Variants in HCK observed in about 807,000 individuals in gnomAD.
The protein encoded by HCK is tyrosine-protein kinase HCK.
In HCK, 40 loss-of-function variants were observed where a neutral mutation model predicts 70.4. The ratio of observed to expected loss-of-function variants is 0.57; its 90% CI spans 0.44 to 0.74. The LOEUF (loss-of-function observed/expected upper bound fraction) is 0.74, where lower values mean the gene tolerates loss of function less well. Among genes scored for constraint, HCK ranks in the 30% least tolerant of loss-of-function variants. The pLI, the probability that HCK is intolerant of heterozygous loss-of-function variation, is 0.00. For synonymous variants in HCK, 245 were observed against 263.2 expected, an observed-to-expected ratio of 0.93 and a Z score of 0.67; for missense variants, 568 against 697.2, an observed-to-expected ratio of 0.81 and a Z score of 2.09.
chr20:32,071,785 G>C lies in HCK; in HGVS notation c.183+3G>C, dbSNP rs752486781. On this transcript the variant is annotated splice_donor_region_variant and intron_variant, in intron 2 of 12. Coordinates refer to ENST00000375852, the MANE Select transcript of HCK (RefSeq NM_002110.5). ...ATCCCACATCCACCATCAAGCCGGT[G>C]AGTAGGGGAGGTCCCAGTTTCCCTG... is the stretch of plus-strand genomic sequence containing the variant. 1.2e-6 allele frequency: 2 copies of C among 1,613,308 alleles called. No homozygotes were observed. Among genetic ancestry groups the C allele is most frequent in the South Asian group, 2.2e-5 (2 of 91,000 alleles).
intron 1 of HCK, among the ~76,000 whole-genome samples, chr20:32,058,724 T>C (rs1186654350): frequency 3.3e-5 from 5 of 151,352 alleles, no homozygotes; most frequent in South Asian, 4.2e-4. Flanking sequence ...CAAATGCAAA[T>C]AGTTTGAGAG....
chr20:32,084,184 G>T (rs1413217927), intron 7 of HCK, 141 bp downstream of exon 7: 6 of 1,087,170 alleles, frequency 5.5e-6, no homozygotes, highest in Non-Finnish European at 7.8e-6. Context: ...GCTTCTGAAG[G>T]CTTAGGACTG....
At chr20:32,060,374 C>A (rs550981322) in intron 1 of HCK, among the ~76,000 whole-genome samples, 1 of 152,168 alleles carries the variant, frequency 6.6e-6, no homozygotes, top group South Asian at 2.1e-4. Context: ...GCACCCACTA[C>A]CACGCCCAGC....
intron 5 of HCK, among the ~76,000 whole-genome samples, chr20:32,076,813 TG>T (rs1283667132): frequency 6.6e-6 from 1 of 151,724 alleles, no homozygotes. Context: ...TGGCCAGGTG[TG>T]GTGGCTCACA....
At chr20:32,077,819 C>T (rs1262388221) in intron 5 of HCK, among the ~76,000 whole-genome samples, 1 of 151,986 alleles carries the variant, frequency 6.6e-6, no homozygotes, top group East Asian at 1.9e-4. Context: ...CCACTGCTCC[C>T]GGACACCTCC....
chr20:32,058,189 T>C (rs1348016423), intron 1 of HCK, among the ~76,000 whole-genome samples: 1 of 150,758 alleles, frequency 6.6e-6, no homozygotes, highest in African/African-American at 2.4e-5. Context: ...TGTGATGCAC[T>C]AGGCAAATCT....
rs904400269 is a variant in HCK, at chr20:32,101,626, C to T, written c.*107C>T. 5 of 883,234 alleles carry T rather than the reference C, an allele frequency of 5.7e-6. No individual in the cohort carries two copies. The highest frequency in any genetic ancestry group is 8.7e-6 in the Non-Finnish European group (5 of 576,808). The allele number at this position is 883,234 out of a possible 1,614,324, so 54.7% of individuals were successfully genotyped here. ...CCCCTTCCTACTCCCAGACACCCAC[C>T]CTCGCTTCAGCCACAGTTTCCTCAT... is the stretch of plus-strand genomic sequence containing the variant. On this transcript the variant is annotated 3_prime_UTR_variant, in exon 13 of 13. Coordinates refer to ENST00000375852, the MANE Select transcript of HCK (RefSeq NM_002110.5).
chr20:32,086,665 G>C lies in HCK; in HGVS notation c.873G>C (p.Thr291=), dbSNP rs758658186. ...AGCACACCAAGGTGGCAGTGAAGAC[G>C]ATGAAGCCAGGGAGCATGTCGGTGG... Residue 291 remains threonine, a synonymous_variant, in exon 9 of 13, where the codon ACG becomes ACC. Coordinates refer to ENST00000375852, the MANE Select transcript of HCK (RefSeq NM_002110.5). 1.2e-6 allele frequency: 2 copies of C among 1,613,266 alleles called. No individual in the cohort carries two copies. Among genetic ancestry groups the C allele is most frequent in the Admixed American group, 3.3e-5 (2 of 59,980 alleles).
In HCK at chr20:32,094,782, A is replaced by AAG. The variant is rs1569010200; in HGVS notation, c.1246+766_1246+767insAG. On this transcript the variant is annotated intron_variant, in intron 11 of 12. Coordinates refer to ENST00000375852, the MANE Select transcript of HCK (RefSeq NM_002110.5). ...GAAAGAAGGAAAGAAAGAAAGAGAGAGAAAGAGAAAGAAAGAAAGAAAGAA... is the reference window on the plus strand; with the variant it reads ...GAAAGAAGGAAAGAAAGAAAGAGAGAAGGAAAGAGAAAGAAAGAAAGAAAGAA... 3.1e-3 allele frequency among the ~76,000 whole-genome samples: 291 copies of AAG among 94,092 alleles called. 4 individuals carry two copies. Among genetic ancestry groups the AAG allele is most frequent in the African/African-American group, 0.013 (248 of 19,578 alleles). The allele number at this position is 94,092 out of a possible 152,430, so 61.7% of individuals were successfully genotyped here.
In HCK at chr20:32,083,833, T is replaced by C. The variant is rs541340422; in HGVS notation, c.533-61T>C. On this transcript the variant is annotated intron_variant, in intron 6 of 12. Coordinates refer to ENST00000375852, the MANE Select transcript of HCK (RefSeq NM_002110.5). ...GTAGCCTTACAGGGTGTCAGAGTGC[T>C]AATGCAAGGTGGCAGGCCTCCAAGA... 45 of 1,588,554 alleles carry C rather than the reference T, an allele frequency of 2.8e-5. No individual in the cohort carries two copies. The African/African-American group carries it at 5.6e-4, about 20-fold the overall frequency.
At chr20:32,063,409 T>C (rs1277277513) in intron 1 of HCK, among the ~76,000 whole-genome samples, 1 of 151,824 alleles carries the variant, frequency 6.6e-6, no homozygotes, top group Non-Finnish European at 1.5e-5. Flanking sequence ...CATGCCGCCA[T>C]GCCTGGCTAA....
chr20:32,092,111 C>A (rs940114628), intron 10 of HCK, among the ~76,000 whole-genome samples: 1 of 152,120 alleles, frequency 6.6e-6, no homozygotes, highest in East Asian at 1.9e-4. Context: ...AGAAGCCGGC[C>A]GGTGGTGCTT....
chr20:32,101,529 C>G lies in HCK; in HGVS notation c.*10C>G. The G allele has an allele frequency of 6.2e-7, 1 of 1,608,876 alleles. No homozygotes were observed. The highest frequency in any genetic ancestry group is 8.5e-7 in the Non-Finnish European group (1 of 1,177,268). On this transcript the variant is annotated 3_prime_UTR_variant, in exon 13 of 13. Coordinates refer to ENST00000375852, the MANE Select transcript of HCK (RefSeq NM_002110.5). ...CCAACAGCAGCCATGATAGGGAGGA[C>G]CAGGGCAGGGCCAGGGGGTGCCCAG...
chr20:32,078,882 G>T (rs35088805), intron 5 of HCK, among the ~76,000 whole-genome samples: 4 of 99,034 alleles, frequency 4.0e-5, no homozygotes, highest in South Asian at 3.1e-4. Flanking sequence ...AAAAAAAAGG[G>T]GGGGAATGAT....
intron 1 of HCK, among the ~76,000 whole-genome samples, chr20:32,059,238 A>G (rs1285974199): frequency 2.0e-5 from 3 of 152,064 alleles, no homozygotes; most frequent in Non-Finnish European, 4.4e-5. Context: ...TTATAGAATG[A>G]GTAATCCAAG....
intron 5 of HCK, among the ~76,000 whole-genome samples, chr20:32,078,111 T>C (rs995671537): frequency 1.3e-5 from 2 of 151,674 alleles, no homozygotes; most frequent in African/African-American, 4.9e-5. Flanking sequence ...CTCGGCTCAC[T>C]GCAAGCTCCA....
intron 1 of HCK, among the ~76,000 whole-genome samples, chr20:32,070,933 G>A (rs2045527460): frequency 7.2e-6 from 1 of 139,788 alleles, no homozygotes; most frequent in Non-Finnish European, 1.6e-5. Flanking sequence ...AGGAGGAGGA[G>A]GGGAAGGAGG....
chr20:32,054,252 T>A (rs1342107663), intron 1 of HCK: 1 of 456,242 alleles, frequency 2.2e-6, no homozygotes, highest in Non-Finnish European at 4.4e-6. Context: ...CCTTCCAGGA[T>A]GTGCCTCTGA....
intron 1 of HCK, among the ~76,000 whole-genome samples, chr20:32,057,040 C>T (rs1315407428): frequency 6.6e-6 from 1 of 152,202 alleles, no homozygotes; most frequent in Non-Finnish European, 1.5e-5. Flanking sequence ...CATTTAAACT[C>T]AGGAGAGCTC....
Sources: allele counts gnomAD v4.1 joint callset (sites outside exome capture counted in the v4.1 genomes callset), GRCh38; gene constraint gnomAD v4.1.1; transcripts MANE v1.5; gene names NCBI Gene and HGNC (gene_info 2026-07-23, HGNC 2026-07-21).